The following TRERF1 variants were observed in gnomAD, a reference collection of about 807,000 sequenced individuals.
TRERF1 encodes transcriptional-regulating factor 1.
In TRERF1, 27 loss-of-function variants were observed where a neutral mutation model predicts 122.9. The observed-to-expected ratio is 0.22, with a 90% CI of 0.16 to 0.30. The LOEUF (loss-of-function observed/expected upper bound fraction) is 0.30. Among genes scored for constraint, TRERF1 ranks in the 10% least tolerant of loss-of-function variants. TRERF1 has a pLI of 1.00. For missense variants in TRERF1, 1,248 were observed against 1,560.3 expected (o/e 0.80, Z 3.37); for synonymous variants, 636 against 641.7 (o/e 0.99, Z 0.13).
intron 4 of TRERF1, among the ~76,000 whole-genome samples, chr6:42,299,094 A>ATCTATCTG (rs1323308910): frequency 7.0e-6 from 1 of 143,054 alleles, no homozygotes; most frequent in African/African-American, 2.6e-5. Context: ...CTATCTATCT[A>ATCTATCTG]TCTGTCTGTC....
intron 2 of TRERF1, among the ~76,000 whole-genome samples, chr6:42,418,414 C>G (rs563108131): frequency 6.6e-6 from 1 of 151,582 alleles, no homozygotes; most frequent in Non-Finnish European, 1.5e-5. Context: ...GGATTACAGG[C>G]ACATGCCACC....
intron 3 of TRERF1, among the ~76,000 whole-genome samples, chr6:42,350,293 C>T (rs1193583956): frequency 1.3e-5 from 2 of 152,162 alleles, no homozygotes; most frequent in Non-Finnish European, 2.9e-5. Flanking sequence ...TGATTTGCTT[C>T]GGGTCACATG....
chr6:42,346,185 T>C (rs1437617527), intron 3 of TRERF1, among the ~76,000 whole-genome samples: 2 of 152,122 alleles, frequency 1.3e-5, no homozygotes, highest in Non-Finnish European at 2.9e-5. Context: ...GGTGCTGAGG[T>C]TGGAGACAGG....
chr6:42,441,678 A>G (rs1276511371), intron 2 of TRERF1, among the ~76,000 whole-genome samples: 3 of 152,296 alleles, frequency 2.0e-5, no homozygotes, highest in South Asian at 4.1e-4. Flanking sequence ...AAAAAAAAGA[A>G]AAGAAAAACC....
At chr6:42,398,997 C>T (rs546375609) in intron 2 of TRERF1, among the ~76,000 whole-genome samples, 19 of 152,290 alleles carry the variant, frequency 1.2e-4, no homozygotes, top group African/African-American at 4.6e-4. Context: ...TTCCCATCCC[C>T]TCTATGGGCC....
rs73733124 is a variant in TRERF1 at position 42,236,518 on chromosome 6, C to T, written c.2860-107G>A. 3,433 of 1,442,616 alleles carry T rather than the reference C, an allele frequency of 2.4e-3. 67 individuals are homozygous for T. The African/African-American group carries it at 0.038, about 16-fold the overall frequency. 89.4% of individuals were successfully genotyped at this position (1,442,616 alleles called of 1,614,324 possible). ...AGGAGAGAGGGGCAGGATGCTGGCG[C>T]TGTGTTCCTTTCTTTCTGCATAAGG... On this transcript the variant is annotated intron_variant, in intron 15 of 17. Transcript: ENST00000372922.
chr6:42,391,086 A>G (rs971867239), intron 2 of TRERF1, among the ~76,000 whole-genome samples: 1 of 152,240 alleles, frequency 6.6e-6, no homozygotes, highest in African/African-American at 2.4e-5. Context: ...AGAGGACACC[A>G]GGACCAAGAG....
intron 3 of TRERF1, among the ~76,000 whole-genome samples, chr6:42,311,423 G>A (rs1788204703): frequency 6.6e-6 from 1 of 152,038 alleles, no homozygotes; most frequent in African/African-American, 2.4e-5. Context: ...TTGGTGGAGG[G>A]AGCCGGCAGG....
intron 2 of TRERF1, among the ~76,000 whole-genome samples, chr6:42,425,688 T>A (rs1783540677): frequency 6.6e-6 from 1 of 151,710 alleles, no homozygotes; most frequent in African/African-American, 2.4e-5. Flanking sequence ...GGATTACAGG[T>A]GCCAGCCACC....
In TRERF1 at chr6:42,412,243, C is replaced by T. The variant is rs1332704568; in HGVS notation, c.-454+38934G>A. ...CTCGAACTCCCGACCTCAGATGATCCGCCCACTTCGGCCTCCCAAAGTGCT... is the reference window on the plus strand; with the variant it reads ...CTCGAACTCCCGACCTCAGATGATCTGCCCACTTCGGCCTCCCAAAGTGCT... On this transcript the variant is annotated intron_variant, in intron 2 of 17. Coordinates refer to ENST00000372922, the Ensembl canonical transcript of TRERF1. Among the ~76,000 whole-genome samples, 4 of 152,090 alleles carry T rather than the reference C, an allele frequency of 2.6e-5. No individual in the cohort carries two copies. In the East Asian group the frequency reaches 5.8e-4, roughly 22 times the overall value.
chr6:42,252,708 TG>T (rs1776035304), intron 13 of TRERF1, among the ~76,000 whole-genome samples: 1 of 152,160 alleles, frequency 6.6e-6, no homozygotes, highest in African/African-American at 2.4e-5. Flanking sequence ...GGACATGTGA[TG>T]GGGAAGATTC....
Position 42,263,500 on chromosome 6 carries a change from CGGCGGAGGCGGA to C in TRERF1, c.1692_1703del (p.Pro567_Pro570del), listed in dbSNP as rs377404285. 4.0e-4 allele frequency: 629 copies of C among 1,573,732 alleles called. 3 individuals carry two copies. In the African/African-American group the frequency reaches 7.2e-3, roughly 18 times the overall value. ...CTGCCTCGGGAGGGAGCTGTGGTGG[CGGCGGAGGCGGA>C]GGCGGAGGCGGCAGTGGTGGCTGGG... On this transcript the variant is annotated inframe_deletion, in exon 8 of 18. Coordinates refer to ENST00000372922, the Ensembl canonical transcript of TRERF1. The surrounding 1 kb of genome is among the most constrained non-coding windows in gnomAD (Gnocchi z 5.6).
chr6:42,274,374 G>A (rs1034128991), intron 4 of TRERF1, among the ~76,000 whole-genome samples: 2 of 152,128 alleles, frequency 1.3e-5, no homozygotes, highest in East Asian at 3.9e-4. Context: ...AGAAAATCAA[G>A]CCTCATTTGT....
At chr6:42,301,553 C>T (rs1786207907) in intron 3 of TRERF1, among the ~76,000 whole-genome samples, 2 of 152,128 alleles carry the variant, frequency 1.3e-5, no homozygotes, top group Admixed American at 1.3e-4. Flanking sequence ...AAAAAATTTT[C>T]CACACCATTA....
chr6:42,330,678 A>G (rs1472631720), intron 3 of TRERF1, among the ~76,000 whole-genome samples: 1 of 151,974 alleles, frequency 6.6e-6, no homozygotes, highest in Admixed American at 6.6e-5. Context: ...TGTATTTTTT[A>G]TTTTTTTGAG....
chr6:42,417,124 G>A lies in TRERF1; in HGVS notation c.-454+34053C>T, dbSNP rs560322298. On this transcript the variant is annotated intron_variant, in intron 2 of 17. Coordinates refer to ENST00000372922, the Ensembl canonical transcript of TRERF1. ...GACTCACAAAAAAAGAGGACAGACA[G>A]GTTTGCAACAAACCAGAAACATACT... 2.6e-5 allele frequency among the ~76,000 whole-genome samples: 4 copies of A among 152,174 alleles called. No homozygotes were observed. The East Asian group carries it at 7.7e-4, about 29-fold the overall frequency.
intron 3 of TRERF1, among the ~76,000 whole-genome samples, chr6:42,342,281 A>C (rs553383864): frequency 3.3e-5 from 5 of 152,296 alleles, no homozygotes; most frequent in South Asian, 2.1e-4. Context: ...ACCATGTCCC[A>C]GGAACTCCCT....
At chr6:42,280,675 C>G (rs1454780461) in intron 4 of TRERF1, among the ~76,000 whole-genome samples, 2 of 151,898 alleles carry the variant, frequency 1.3e-5, no homozygotes, top group African/African-American at 4.8e-5. Context: ...ATTCAAGGGT[C>G]CAGGGGGAGC....
intron 3 of TRERF1, among the ~76,000 whole-genome samples, chr6:42,316,145 G>T (rs1333844628): frequency 6.6e-6 from 1 of 152,146 alleles, no homozygotes; most frequent in Non-Finnish European, 1.5e-5. Context: ...CCAAAGTCAA[G>T]AAAGTCCATG....
Sources: allele counts gnomAD v4.1 joint callset (sites outside exome capture counted in the v4.1 genomes callset), GRCh38; gene constraint gnomAD v4.1.1; non-coding constraint Gnocchi (gnomAD v3.1); transcripts MANE v1.5; gene names NCBI Gene and HGNC (gene_info 2026-07-23, HGNC 2026-07-21).